The following RPS6KC1 variants were observed in gnomAD, a reference collection of about 807,000 sequenced individuals.
RPS6KC1 encodes inactive ribosomal protein S6 kinase delta-1.
A neutral mutation model predicts 103.8 loss-of-function variants in RPS6KC1; 54 were observed. The ratio of observed to expected loss-of-function variants is 0.52; its 90% CI spans 0.42 to 0.65. The LOEUF (loss-of-function observed/expected upper bound fraction) is 0.65. Ranked by LOEUF, RPS6KC1 falls within the 30% of genes least tolerant of loss-of-function variation. The probability of loss-of-function intolerance (pLI) is 0.00; values close to 1 mark genes in which losing one functional copy is unlikely to be tolerated. For missense variants in RPS6KC1, 1,151 were observed against 1,253.8 expected (o/e 0.92, Z 1.24); for synonymous variants, 439 against 438.7 (o/e 1.00, Z -0.01).
rs552995246 is a variant in RPS6KC1 at position 213,075,104 on chromosome 1, G to A, written c.142-2592G>A. On this transcript the variant is annotated intron_variant, in intron 2 of 14. Transcript: ENST00000366960. ...CTGACCTCATGATCCGCCCGCCTTG[G>A]CCTCCCAAAGTGCTGGGATTACAGG... is the stretch of plus-strand genomic sequence containing the variant. Among the ~76,000 whole-genome samples, 5 of 152,002 alleles carry A rather than the reference G, an allele frequency of 3.3e-5. No individual in the cohort carries two copies. The East Asian group carries it at 9.7e-4, about 29-fold the overall frequency.
At chr1:213,590,947 G>A in the RPS6KC1 span, among the ~76,000 whole-genome samples, 1 of 152,124 alleles carries the variant, frequency 6.6e-6, no homozygotes, top group African/African-American at 2.4e-5. Context: ...GAAAGTTAGT[G>A]GGATAAACTG....
At chr1:213,831,881 CA>C in the RPS6KC1 span, among the ~76,000 whole-genome samples, 2 of 152,296 alleles carry the variant, frequency 1.3e-5, no homozygotes, top group East Asian at 3.9e-4. Context: ...AAGACAGTGT[CA>C]GCCCCTACCT....
the RPS6KC1 span, among the ~76,000 whole-genome samples, chr1:213,432,037 C>G: frequency 6.6e-6 from 1 of 152,170 alleles, no homozygotes; most frequent in African/African-American, 2.4e-5. Context: ...TCATTTCCCA[C>G]GTGCCTAATG....
intron 6 of RPS6KC1, among the ~76,000 whole-genome samples, chr1:213,152,478 C>A (rs947397872): frequency 2.7e-5 from 4 of 150,214 alleles, no homozygotes; most frequent in African/African-American, 9.8e-5. Flanking sequence ...TCCTCACTTC[C>A]CAGACGGGGT....
At chr1:213,467,103 C>T in the RPS6KC1 span, among the ~76,000 whole-genome samples, 1 of 151,940 alleles carries the variant, frequency 6.6e-6, no homozygotes, top group African/African-American at 2.4e-5. Flanking sequence ...GCAGAATTGA[C>T]TGCCTCTGGG....
chr1:213,819,691 A>T, the RPS6KC1 span: 1 of 152,236 alleles, frequency 6.6e-6, no homozygotes, highest in Non-Finnish European at 1.5e-5. Flanking sequence ...CATGCTTGGC[A>T]CATAGAAAGT....
At chr1:213,578,322 C>T in the RPS6KC1 span, among the ~76,000 whole-genome samples, 1 of 152,234 alleles carries the variant, frequency 6.6e-6, no homozygotes, top group Non-Finnish European at 1.5e-5. Context: ...AGAACCTCTG[C>T]TAGGGCAGTT....
rs2092140116 is a variant in RPS6KC1 at position 213,179,727 on chromosome 1, T to C, written c.1044+3235T>C. 1.3e-5 allele frequency among the ~76,000 whole-genome samples: 2 copies of C among 152,160 alleles called. 1 individual carries two copies. Among genetic ancestry groups the C allele is most frequent in the South Asian group, 4.1e-4 (2 of 4,832 alleles). On this transcript the variant is annotated intron_variant, in intron 8 of 14. Coordinates refer to ENST00000366960, the MANE Select transcript of RPS6KC1 (RefSeq NM_012424.6). ...ATTGAACTGCATTAGGATTAGGATT[T>C]CACAAACTTTTATGTAGAAAAAAAT...
chr1:213,545,411 T>TAAATAAATAAAATA, the RPS6KC1 span, among the ~76,000 whole-genome samples: 1 of 75,254 alleles, frequency 1.3e-5, no homozygotes, highest in Non-Finnish European at 3.1e-5. Flanking sequence ...AATAAATAAA[T>TAAATAAATAAAATA]AAATAAAATA....
intron 6 of RPS6KC1, among the ~76,000 whole-genome samples, chr1:213,131,663 C>T (rs769240062): frequency 3.3e-5 from 5 of 152,136 alleles, no homozygotes; most frequent in East Asian, 1.9e-4. Context: ...AGGCTGGTCT[C>T]GAACTACTGA....
At chr1:213,282,841 A>T in the RPS6KC1 span, among the ~76,000 whole-genome samples, 2 of 152,370 alleles carry the variant, frequency 1.3e-5, no homozygotes, top group South Asian at 2.1e-4. Context: ...GCCTTCGAGG[A>T]TGCAGGTTAT....
the RPS6KC1 span, among the ~76,000 whole-genome samples, chr1:213,475,111 G>A: frequency 6.6e-6 from 1 of 152,204 alleles, no homozygotes; most frequent in African/African-American, 2.4e-5. Flanking sequence ...TGATTGCGGG[G>A]CCGTTTTATT....
chr1:213,575,584 T>C, the RPS6KC1 span, among the ~76,000 whole-genome samples: 1 of 152,152 alleles, frequency 6.6e-6, no homozygotes, highest in Non-Finnish European at 1.5e-5. Context: ...AAGGATGTGT[T>C]TGCTTCCCCT....
At chr1:213,402,270 C>G in the RPS6KC1 span, among the ~76,000 whole-genome samples, 13 of 152,120 alleles carry the variant, frequency 8.5e-5, no homozygotes, top group African/African-American at 3.1e-4. Context: ...GGGAGGAAGA[C>G]AAGGACCCAG....
intron 8 of RPS6KC1, among the ~76,000 whole-genome samples, chr1:213,207,012 G>A (rs2093369236): frequency 6.6e-6 from 1 of 152,208 alleles, no homozygotes; most frequent in African/African-American, 2.4e-5. Context: ...TCGGCAGGCT[G>A]AGGTAGGAGA....
Position 213,260,030 on chromosome 1 carries a change from C to T in RPS6KC1, c.2912-1528C>T, listed in dbSNP as rs549100042. Among the ~76,000 whole-genome samples the T allele has an allele frequency of 2.3e-3, 348 of 152,270 alleles. 1 individual carries two copies. The highest frequency in any genetic ancestry group is 6.6e-3 in the Admixed American group (101 of 15,302). On this transcript the variant is annotated intron_variant, in intron 12 of 14. Transcript: ENST00000366960. ...CTGGGATTATAGGCGTGAGCCACCT[C>T]GCCTGGCCCTATTTAAAATGGTTAT...
the RPS6KC1 span, among the ~76,000 whole-genome samples, chr1:213,743,809 C>A: frequency 6.6e-6 from 1 of 152,088 alleles, no homozygotes. Context: ...GGACACAGTT[C>A]GAGTTAGGAA....
chr1:213,418,691 G>A, the RPS6KC1 span, among the ~76,000 whole-genome samples: 1 of 152,224 alleles, frequency 6.6e-6, no homozygotes, highest in African/African-American at 2.4e-5. Context: ...TCTCCAGGGT[G>A]TTGAGTTCCC....
In RPS6KC1 at chr1:213,085,559, T is replaced by G. The variant is rs375794874; in HGVS notation, c.262+7743T>G. Among the ~76,000 whole-genome samples the G allele has an allele frequency of 7.9e-5, 12 of 152,342 alleles. No individual in the cohort carries two copies. In the East Asian group the frequency reaches 1.5e-3, roughly 20 times the overall value. On this transcript the variant is annotated intron_variant, in intron 3 of 14. Transcript: ENST00000366960. ...ATCCCCTGGATTTAGCATCCATTGA[T>G]GATTCTTGCCTGACTCAATGTTTAT... is the stretch of plus-strand genomic sequence containing the variant.
Sources: gnomAD v4.1 joint callset for allele counts (sites outside exome capture counted in the v4.1 genomes callset) on GRCh38, gnomAD v4.1.1 for gene constraint, MANE v1.5 for transcripts, NCBI Gene and HGNC (gene_info 2026-07-23, HGNC 2026-07-21) for gene names.